The following DMAC2L variants were observed in gnomAD, a reference collection of about 807,000 sequenced individuals.
DMAC2L encodes the protein distal membrane arm assembly component 2 like, also known as ATP synthase subunit s, mitochondrial.
DMAC2L carries 21 observed loss-of-function variants against 22.5 expected under a neutral mutation model. That is an observed-to-expected ratio of 0.93 (90% CI 0.66 to 1.34). The LOEUF is 1.34. DMAC2L is among the 40% of genes most tolerant of loss of function. The probability of loss-of-function intolerance (pLI) is 0.00; values close to 1 mark genes in which losing one functional copy is unlikely to be tolerated. For missense variants in DMAC2L, 239 were observed against 246.5 expected (o/e 0.97, Z 0.20); for synonymous variants, 86 against 89.5 (o/e 0.96, Z 0.22).
In DMAC2L at chr14:50,325,948, A is replaced by G; in HGVS notation, c.*225A>G. On this transcript the variant is annotated 3_prime_UTR_variant, in exon 6 of 6. Transcript: ENST00000557421. ...CATTAATTCATTTTAAGAAAAGTGC[A>G]GCCAGGCGCAGTGGCTCATGCCTGT... The G allele has an allele frequency of 8.7e-7, 1 of 1,148,020 alleles. No homozygotes were observed. The highest frequency in any genetic ancestry group is 1.1e-6 in the Non-Finnish European group (1 of 928,650). 71.1% of individuals were successfully genotyped at this position (1,148,020 alleles called of 1,614,324 possible). A position where few individuals can be genotyped will look rare whatever the true frequency, so the allele number is the denominator to read the frequency against.
At chr14:50,315,618 C>T (rs921682533) in intron 2 of DMAC2L, among the ~76,000 whole-genome samples, 3 of 135,236 alleles carry the variant, frequency 2.2e-5, no homozygotes, top group African/African-American at 5.7e-5. Flanking sequence ...GCTGAGACTG[C>T]GCCACTGCAC....
Position 50,325,795 on chromosome 14 carries a change from A to G in DMAC2L, c.*72A>G. 6.6e-7 allele frequency: 1 copy of G among 1,521,674 alleles called. No homozygotes were observed. The highest frequency in any genetic ancestry group is 8.8e-7 in the Non-Finnish European group (1 of 1,139,068). The allele number at this position is 1,521,674 out of a possible 1,614,324, so 94.3% of individuals were successfully genotyped here. The stretch of plus-strand genomic sequence containing the variant: ...TTCCAAACATCAACTAATATTATAT[A>G]GTCATCAGTAGAATTATAAGGATGC... On this transcript the variant is annotated 3_prime_UTR_variant, in exon 6 of 6. Coordinates refer to ENST00000557421, the MANE Select transcript of DMAC2L (RefSeq NM_001382507.1).
At chr14:50,325,421 G>A (rs2032645730) in intron 5 of DMAC2L, among the ~76,000 whole-genome samples, 188 bp from the exon 6 acceptor site, 1 of 152,170 alleles carries the variant, frequency 6.6e-6, no homozygotes, top group South Asian at 2.1e-4. Context: ...AAATATTGAT[G>A]TAACCCAAAG....
intron 4 of DMAC2L, among the ~76,000 whole-genome samples, chr14:50,323,593 C>T (rs1164860226): frequency 6.6e-6 from 1 of 151,408 alleles, no homozygotes; most frequent in Non-Finnish European, 1.5e-5. Flanking sequence ...AAGGTTTTGC[C>T]GTGTTGACCA....
intron 3 of DMAC2L, 45 bp from the exon 4 acceptor site, chr14:50,322,466 A>G (rs1269910490): frequency 6.4e-7 from 1 of 1,551,638 alleles, no homozygotes. Context: ...TTAACAAGCT[A>G]GTGATTATTG....
Position 50,326,735 on chromosome 14 carries a change from T to G in DMAC2L, c.*1012T>G. On this transcript the variant is annotated 3_prime_UTR_variant, in exon 6 of 6. Transcript: ENST00000557421. ...AAACTAGTGGGCTATGCTTAGGTTT[T>G]TCTTGAAACCTAACATTGCTTTAGG... 1 of 985,432 alleles carries G rather than the reference T, an allele frequency of 1.0e-6. No homozygotes were observed. The highest frequency in any genetic ancestry group is 1.2e-6 in the Non-Finnish European group (1 of 829,928). 61.0% of individuals were successfully genotyped at this position (985,432 alleles called of 1,614,324 possible).
At position 50,327,514 on chromosome 14, in the gene DMAC2L, G is replaced by A. The variant is rs1467336343; in HGVS notation, c.*1791G>A. 1 of 130,662 alleles carries A rather than the reference G, an allele frequency of 7.7e-6. No individual in the cohort carries two copies. The highest frequency in any genetic ancestry group is 2.9e-5 in the African/African-American group (1 of 34,452). 8.1% of individuals were successfully genotyped at this position (130,662 alleles called of 1,614,324 possible). On this transcript the variant is annotated 3_prime_UTR_variant, in exon 6 of 6. Transcript: ENST00000557421. ...AGACTCTCACTCTGTTGCCCAGGTT[G>A]GAGTGCAGTGGTGTGATCTCAGTTC...
At chr14:50,322,380 A>T in intron 3 of DMAC2L, 131 bp from the exon 4 acceptor site, 1 of 932,906 alleles carries the variant, frequency 1.1e-6, no homozygotes, top group Non-Finnish European at 1.5e-6. Flanking sequence ...CATGGATCTC[A>T]CTAATTTATC....
chr14:50,318,727 ACT>A (rs922785690), intron 2 of DMAC2L, among the ~76,000 whole-genome samples: 1 of 151,542 alleles, frequency 6.6e-6, no homozygotes, highest in Non-Finnish European at 1.5e-5. Context: ...CTAACTGAAA[ACT>A]CTTAATCATT....
intron 3 of DMAC2L, 107 bp downstream of exon 3, chr14:50,321,701 T>A: frequency 1.4e-6 from 1 of 722,298 alleles, no homozygotes; most frequent in South Asian, 2.2e-5. Flanking sequence ...TGCAGTGTGA[T>A]CCTAATTTTG....
upstream of DMAC2L, chr14:50,312,069 C>G: frequency 1.2e-6 from 2 of 1,600,144 alleles, no homozygotes; most frequent in Non-Finnish European, 1.7e-6. Context: ...GACGCGAACC[C>G]GCACGCCCCA....
chr14:50,312,899 T>C (rs1490366912), intron 1 of DMAC2L: 8 of 995,620 alleles, frequency 8.0e-6, no homozygotes, highest in East Asian at 7.2e-5. Context: ...CTTGTAAATA[T>C]GGAGCGCCTG....
intron 1 of DMAC2L, 98 bp downstream of exon 1, chr14:50,312,487 C>T (rs1004302352): frequency 2.4e-6 from 1 of 410,302 alleles, no homozygotes. Context: ...GAAAACCTGG[C>T]CCTTTGGGTC....
chr14:50,318,427 T>A (rs546548123), intron 2 of DMAC2L, among the ~76,000 whole-genome samples: 1 of 152,352 alleles, frequency 6.6e-6, no homozygotes, highest in African/African-American at 2.4e-5. Flanking sequence ...AAATTTGGCC[T>A]TTCGTTTAAG....
intron 2 of DMAC2L, chr14:50,319,258 G>C: frequency 6.5e-7 from 1 of 1,536,082 alleles, no homozygotes; most frequent in Non-Finnish European, 8.7e-7. Flanking sequence ...TGGAGCAGAG[G>C]CTTGCAGTAA....
At position 50,324,066 on chromosome 14, in the gene DMAC2L, A is replaced by G. The variant is rs1418785886; in HGVS notation, c.438A>G (p.Ile146Met). The part of the protein sequence containing the change: ...LQKTILEMEI[I>M]SCGNITDKGI... ...AAACCATATTGGAAATGGAAATAAT[A>G]TCCTGTGGGAATATCACAGACAAAG... Residue 146 changes from isoleucine (I) to methionine (M), a missense_variant, in exon 5 of 6, where the codon ATA (isoleucine) becomes ATG (methionine). By Grantham distance (10) the Ile-to-Met change is conservative. Transcript: ENST00000557421. 1.2e-6 allele frequency: 2 copies of G among 1,613,884 alleles called. No homozygotes were observed. Among genetic ancestry groups the G allele is most frequent in the Non-Finnish European group, 1.7e-6 (2 of 1,179,968 alleles).
In DMAC2L at chr14:50,326,666, T is replaced by A. The variant is rs10133342; in HGVS notation, c.*943T>A. 0.15 allele frequency: 146,127 copies of A among 985,174 alleles called. 11,828 individuals are homozygous for A. The highest frequency in any genetic ancestry group is 0.3 in the African/African-American group (16,949 of 57,280). The allele number at this position is 985,174 out of a possible 1,614,324, so 61.0% of individuals were successfully genotyped here. A position where few individuals can be genotyped will look rare whatever the true frequency, so the allele number is the denominator to read the frequency against. ...AACTGGACATAGATACTTGGCTGAA[T>A]ACAAATAGTTTTGCAGATTGCAATA... On this transcript the variant is annotated 3_prime_UTR_variant, in exon 6 of 6. Coordinates refer to ENST00000557421, the MANE Select transcript of DMAC2L (RefSeq NM_001382507.1).
rs563982931 is a variant in DMAC2L at position 50,313,546 on chromosome 14, G to A, written c.-41-1045G>A. ...AAACAATGTAGAATATTGCCTGCTT[G>A]TTCCATCACAGATGAAAAAAAGAGA... On this transcript the variant is annotated intron_variant, in intron 1 of 5. Coordinates refer to ENST00000557421, the MANE Select transcript of DMAC2L (RefSeq NM_001382507.1). Among the ~76,000 whole-genome samples, 358 of 152,306 alleles carry A rather than the reference G, an allele frequency of 2.4e-3. 2 individuals are homozygous for A. The highest frequency in any genetic ancestry group is 8.2e-3 in the African/African-American group (340 of 41,566).
intron 4 of DMAC2L, chr14:50,322,990 A>C (rs545191273): frequency 7.5e-7 from 1 of 1,337,080 alleles, no homozygotes; most frequent in East Asian, 2.9e-5. Flanking sequence ...TTGTCAAACT[A>C]TCTTTGTCAA....
Sources: gnomAD v4.1 joint callset for allele counts (sites outside exome capture counted in the v4.1 genomes callset) on GRCh38, gnomAD v4.1.1 for gene constraint, MANE v1.5 for transcripts, NCBI Gene and HGNC (gene_info 2026-07-23, HGNC 2026-07-21) for gene names.